The following SNTG2 variants were observed in gnomAD, a reference collection of about 807,000 sequenced individuals.
SNTG2 encodes the protein syntrophin gamma 2, also known as gamma-2-syntrophin.
SNTG2 carries 74 observed loss-of-function variants against 70.9 expected under a neutral mutation model. The observed-to-expected ratio is 1.04, with a 90% CI of 0.86 to 1.27. The LOEUF (loss-of-function observed/expected upper bound fraction) is 1.27. Among genes scored for constraint, SNTG2 ranks in the 50% most tolerant of loss-of-function variants. The pLI, the probability that SNTG2 is intolerant of heterozygous loss-of-function variation, is 0.00. For missense variants in SNTG2, 717 were observed against 690.7 expected, an observed-to-expected ratio of 1.04 and a Z score of -0.43; for synonymous variants, 278 against 273.8, an observed-to-expected ratio of 1.02 and a Z score of -0.15.
chr2:997,434 A>G (rs1173149441), intron 1 of SNTG2, among the ~76,000 whole-genome samples: 2 of 152,182 alleles, frequency 1.3e-5, no homozygotes, highest in African/African-American at 2.4e-5. Context: ...GATAATGGCA[A>G]TGGATTTGAA....
At chr2:1,279,026 G>A (rs979455313) in intron 14 of SNTG2, among the ~76,000 whole-genome samples, 3 of 100,122 alleles carry the variant, frequency 3.0e-5, no homozygotes, top group South Asian at 3.5e-4. Flanking sequence ...CTGTCTGTGC[G>A]TGAATCACCC....
At chr2:1,071,000 A>G (rs909767407) in intron 1 of SNTG2, among the ~76,000 whole-genome samples, 1 of 152,092 alleles carries the variant, frequency 6.6e-6, no homozygotes, top group Non-Finnish European at 1.5e-5. Context: ...GCCACATTCA[A>G]TGCGTTGGCA....
chr2:1,048,469 C>T (rs200515275), intron 1 of SNTG2, among the ~76,000 whole-genome samples: 1 of 152,114 alleles, frequency 6.6e-6, no homozygotes, highest in African/African-American at 2.4e-5. Flanking sequence ...TATACACACA[C>T]ATATATATCA....
At chr2:1,086,059 C>T (rs963396047) in intron 2 of SNTG2, among the ~76,000 whole-genome samples, 2 of 152,174 alleles carry the variant, frequency 1.3e-5, no homozygotes, top group Non-Finnish European at 2.9e-5. Flanking sequence ...CAGTTACTCA[C>T]ATAGTTAAGA....
chr2:1,256,539 G>C (rs1470186224), intron 12 of SNTG2: 1 of 152,052 alleles, frequency 6.6e-6, no homozygotes, highest in Non-Finnish European at 1.5e-5. Flanking sequence ...GCCTTGAATT[G>C]TTGTAGCCTA....
At chr2:1,142,352 C>A (rs1001732549) in intron 6 of SNTG2, among the ~76,000 whole-genome samples, 7 of 152,174 alleles carry the variant, frequency 4.6e-5, no homozygotes, top group African/African-American at 1.7e-4. Context: ...GCTGCCTGGG[C>A]TCTGCCATCC....
intron 13 of SNTG2, among the ~76,000 whole-genome samples, chr2:1,262,692 TCCGTCCAGAC>T (rs1678488847): frequency 7.1e-6 from 1 of 140,652 alleles, no homozygotes; most frequent in Non-Finnish European, 1.6e-5. Context: ...ACCGGAAGGC[TCCGTCCAGAC>T]GAGGCAACCG....
At chr2:1,167,889 G>A (rs878917737) in intron 7 of SNTG2, among the ~76,000 whole-genome samples, 29 of 89,562 alleles carry the variant, frequency 3.2e-4, no homozygotes, top group Non-Finnish European at 3.1e-4. Context: ...GAAACCTACA[G>A]GCCGCCCACA....
chr2:1,046,399 G>A (rs148369614), intron 1 of SNTG2, among the ~76,000 whole-genome samples: 28 of 152,170 alleles, frequency 1.8e-4, no homozygotes, highest in East Asian at 1.2e-3. Context: ...TCCTGTCATC[G>A]TGTTATTAGG....
chr2:1,249,940 G>C (rs1677656484), intron 12 of SNTG2, among the ~76,000 whole-genome samples: 1 of 152,194 alleles, frequency 6.6e-6, no homozygotes, highest in South Asian at 2.1e-4. Context: ...CTGGGGGTCT[G>C]AAACCAGGAT....
At chr2:1,004,694 C>G (rs968386462) in intron 1 of SNTG2, among the ~76,000 whole-genome samples, 1 of 152,170 alleles carries the variant, frequency 6.6e-6, no homozygotes, top group Non-Finnish European at 1.5e-5. Flanking sequence ...GATGGGGACT[C>G]TCCTTCGTTG....
intron 14 of SNTG2, among the ~76,000 whole-genome samples, chr2:1,269,363 A>G (rs1311124741): frequency 6.6e-6 from 1 of 152,102 alleles, no homozygotes; most frequent in Non-Finnish European, 1.5e-5. Context: ...AAAAAATAAT[A>G]ATAAAATATT....
At chr2:1,314,519 G>A (rs1432679208) in intron 15 of SNTG2, among the ~76,000 whole-genome samples, 1 of 152,164 alleles carries the variant, frequency 6.6e-6, no homozygotes, top group Non-Finnish European at 1.5e-5. Flanking sequence ...GAGTGGCTCG[G>A]GCAGCTCCCT....
intron 14 of SNTG2, among the ~76,000 whole-genome samples, chr2:1,275,297 C>G (rs1679223164): frequency 6.6e-6 from 1 of 152,178 alleles, no homozygotes; most frequent in Non-Finnish European, 1.5e-5. Context: ...TGAAGATACT[C>G]TTTTTATTAT....
At chr2:978,125 T>C (rs1161100916) in intron 1 of SNTG2, among the ~76,000 whole-genome samples, 1 of 152,148 alleles carries the variant, frequency 6.6e-6, no homozygotes, top group Non-Finnish European at 1.5e-5. Context: ...TGATGAGTGA[T>C]TGCCTCTGGC....
Position 1,360,177 on chromosome 2 carries a change from C to G in SNTG2, c.1489-7166C>G, listed in dbSNP as rs148242569. On this transcript the variant is annotated intron_variant, in intron 16 of 16. Transcript: ENST00000308624. ...CACACATTTATCCTCTTACAGTTCTCTAAGAACTTGTCTCTTAGGGCTAAA... is the reference window on the plus strand; with the variant it reads ...CACACATTTATCCTCTTACAGTTCTGTAAGAACTTGTCTCTTAGGGCTAAA... Among the ~76,000 whole-genome samples, 19 of 152,350 alleles carry G rather than the reference C, an allele frequency of 1.2e-4. No individual in the cohort carries two copies. In the East Asian group the frequency reaches 3.5e-3, roughly 28 times the overall value.
chr2:1,244,416 G>C (rs916797964), intron 11 of SNTG2, among the ~76,000 whole-genome samples: 6 of 152,098 alleles, frequency 3.9e-5, no homozygotes, highest in Non-Finnish European at 8.8e-5. Flanking sequence ...AAGTTTGCAG[G>C]CCGGGCGCGG....
chr2:1,247,266 T>C (rs1677483730), intron 11 of SNTG2, 61 bp from the exon 12 acceptor site: 7 of 1,036,210 alleles, frequency 6.8e-6, no homozygotes, highest in Non-Finnish European at 1.0e-5. Flanking sequence ...TGTGCTTAAC[T>C]CTGCTGCTGT....
chr2:1,036,967 C>T (rs993794135), intron 1 of SNTG2, among the ~76,000 whole-genome samples: 1 of 147,144 alleles, frequency 6.8e-6, no homozygotes, highest in Non-Finnish European at 1.5e-5. Context: ...TCATGTGCTG[C>T]CAGACCTGGA....
Sources: allele counts gnomAD v4.1 joint callset (sites outside exome capture counted in the v4.1 genomes callset), GRCh38; gene constraint gnomAD v4.1.1; transcripts MANE v1.5; gene names NCBI Gene and HGNC (gene_info 2026-07-23, HGNC 2026-07-21).